SFXN1: variants seen among roughly 807,000 people sequenced by gnomAD.
SFXN1 encodes the protein sideroflexin 1.
A neutral mutation model predicts 39.5 loss-of-function variants in SFXN1; 32 were observed. The observed-to-expected ratio is 0.81, with a 90% CI of 0.61 to 1.09. The LOEUF is 1.09. SFXN1 is among the 50% of genes least tolerant of loss of function. The pLI, the probability that SFXN1 is intolerant of heterozygous loss-of-function variation, is 0.00. For missense variants in SFXN1, 402 were observed against 407.1 expected (o/e 0.99, Z 0.11); for synonymous variants, 136 against 146.5 (o/e 0.93, Z 0.52).
chr5:175,486,881 T>C (rs552141489), intron 1 of SFXN1, among the ~76,000 whole-genome samples: 1 of 152,318 alleles, frequency 6.6e-6, no homozygotes, highest in East Asian at 1.9e-4. Flanking sequence ...AGGGATAGTT[T>C]GTTATTAGGA....
intron 1 of SFXN1, among the ~76,000 whole-genome samples, chr5:175,479,091 G>A (rs890237988): frequency 1.3e-5 from 2 of 152,258 alleles, no homozygotes; most frequent in Admixed American, 6.5e-5. Context: ...GGGGGTCGGA[G>A]GGGAGACCAC....
intron 3 of SFXN1, 69 bp from the exon 4 acceptor site, chr5:175,510,040 C>A: frequency 7.7e-7 from 1 of 1,296,834 alleles, no homozygotes; most frequent in Non-Finnish European, 1.1e-6. Flanking sequence ...TACTGGTGTT[C>A]ACGTTTTCTG....
chr5:175,513,296 T>TAAAAAA (rs55761424), intron 6 of SFXN1, among the ~76,000 whole-genome samples, 167 bp from the exon 7 acceptor site: 4 of 65,280 alleles, frequency 6.1e-5, no homozygotes, highest in African/African-American at 2.5e-4. Flanking sequence ...AGTGAGACTG[T>TAAAAAA]AAAAAAAAAA....
At chr5:175,522,215 C>T (rs756503682) in intron 9 of SFXN1, among the ~76,000 whole-genome samples, 160 bp from the exon 10 acceptor site, 3 of 152,030 alleles carry the variant, frequency 2.0e-5, no homozygotes, top group Non-Finnish European at 4.4e-5. Context: ...TTTTGGCAAT[C>T]CTAGGTAATA....
intron 10 of SFXN1, chr5:175,524,120 AAAAAAATATATATAT>A (rs1308809928): frequency 1.1e-4 from 4 of 38,040 alleles, no homozygotes; most frequent in East Asian, 8.0e-4. Flanking sequence ...AAAAAAAAAA[AAAAAAATATATATAT>A]ATATATATAT....
chr5:175,503,205 G>T (rs1243997840), intron 2 of SFXN1, among the ~76,000 whole-genome samples: 5 of 152,214 alleles, frequency 3.3e-5, no homozygotes, highest in African/African-American at 1.2e-4. Flanking sequence ...ACTTAAAGTG[G>T]ATGACTTTTA....
At chr5:175,493,362 G>C (rs968531717) in intron 2 of SFXN1, among the ~76,000 whole-genome samples, 1 of 152,172 alleles carries the variant, frequency 6.6e-6, no homozygotes, top group Non-Finnish European at 1.5e-5. Context: ...ATCCAAAGCT[G>C]GGGATTGGAT....
chr5:175,513,062 A>T (rs905092726), intron 6 of SFXN1, among the ~76,000 whole-genome samples: 17 of 152,132 alleles, frequency 1.1e-4, no homozygotes, highest in African/African-American at 4.1e-4. Flanking sequence ...GCACTTTGGG[A>T]GGCCGAGGCG....
chr5:175,516,858 A>G (rs190357058), intron 8 of SFXN1, among the ~76,000 whole-genome samples, 195 bp downstream of exon 8: 1 of 152,362 alleles, frequency 6.6e-6, no homozygotes, highest in Non-Finnish European at 1.5e-5. Flanking sequence ...TTGTAAATAA[A>G]GACTGCCACT....
chr5:175,526,536 C>T, intron 10 of SFXN1, 102 bp from the exon 11 acceptor site: 1 of 827,974 alleles, frequency 1.2e-6, no homozygotes, highest in Non-Finnish European at 2.0e-6. Flanking sequence ...CCCACTGTAC[C>T]AGTCCTGGGA....
intron 2 of SFXN1, among the ~76,000 whole-genome samples, chr5:175,508,345 C>G (rs908964290): frequency 2.1e-4 from 32 of 151,234 alleles, no homozygotes; most frequent in African/African-American, 7.5e-4. Flanking sequence ...CTTGCCTCAG[C>G]CTCCCAGGTA....
At chr5:175,482,438 A>T (rs142100117) in intron 1 of SFXN1, among the ~76,000 whole-genome samples, 1 of 152,336 alleles carries the variant, frequency 6.6e-6, no homozygotes, top group East Asian at 1.9e-4. Flanking sequence ...GCATTTTCTT[A>T]GCATGCAGCT....
intron 10 of SFXN1, 22 bp from the exon 11 acceptor site, chr5:175,526,614 CCT>C: frequency 1.3e-6 from 2 of 1,598,866 alleles, no homozygotes; most frequent in Non-Finnish European, 1.7e-6. Context: ...GTGTAATAAC[CCT>C]GTCATTTCTC....
Position 175,521,911 on chromosome 5 carries a change from C to G in SFXN1, c.775-8C>G, listed in dbSNP as rs1760892407. On this transcript the variant is annotated splice_polypyrimidine_tract_variant and splice_region_variant and intron_variant, in intron 8 of 10. Transcript: ENST00000321442. ...AAAGTATTCAAAGCCATTTATTTCT[C>G]AACACAGAGGTTCCCATGGATGAGT... The G allele has an allele frequency of 1.3e-6, 2 of 1,590,482 alleles. No homozygotes were observed. Among genetic ancestry groups the G allele is most frequent in the Non-Finnish European group, 1.7e-6 (2 of 1,163,986 alleles).
At chr5:175,518,025 T>C (rs1444802857) in intron 8 of SFXN1, among the ~76,000 whole-genome samples, 1 of 152,118 alleles carries the variant, frequency 6.6e-6, no homozygotes, top group Non-Finnish European at 1.5e-5. Context: ...GCATGACTCA[T>C]CCATCCCCCT....
chr5:175,513,945 G>A (rs1760627708), intron 7 of SFXN1, among the ~76,000 whole-genome samples: 1 of 151,996 alleles, frequency 6.6e-6, no homozygotes, highest in Admixed American at 6.5e-5. Context: ...GGGCACAGTG[G>A]GAGGGGTGGG....
At chr5:175,516,730 GAT>G in intron 8 of SFXN1, 67 bp downstream of exon 8, 1 of 1,525,288 alleles carries the variant, frequency 6.6e-7, no homozygotes, top group African/African-American at 1.4e-5. Context: ...AAACCGTATA[GAT>G]TATTTGCTAC....
intron 2 of SFXN1, among the ~76,000 whole-genome samples, chr5:175,497,264 C>T (rs1759891497): frequency 6.6e-6 from 1 of 152,098 alleles, no homozygotes; most frequent in Non-Finnish European, 1.5e-5. Flanking sequence ...AGTTTCCTAC[C>T]TCCCCATCAA....
chr5:175,504,918 C>T (rs1683680692), intron 2 of SFXN1, among the ~76,000 whole-genome samples: 1 of 151,864 alleles, frequency 6.6e-6, no homozygotes, highest in African/African-American at 2.4e-5. Context: ...TTAGTAGAGA[C>T]GAGATTTCAC....
Sources: gnomAD v4.1 joint callset for allele counts (sites outside exome capture counted in the v4.1 genomes callset) on GRCh38, gnomAD v4.1.1 for gene constraint, MANE v1.5 for transcripts, NCBI Gene and HGNC (gene_info 2026-07-23, HGNC 2026-07-21) for gene names.